Variants in PAICS observed in about 807,000 individuals in gnomAD.
PAICS encodes bifunctional phosphoribosylaminoimidazole carboxylase/phosphoribosylaminoimidazole succinocarboxamide synthetase.
Under a neutral mutation model 53.7 loss-of-function variants are expected in PAICS, and 33 were observed. That is an observed-to-expected ratio of 0.61 (90% CI 0.47 to 0.82). The LOEUF (loss-of-function observed/expected upper bound fraction) is 0.82, where lower values mean the gene tolerates loss of function less well. Among genes scored for constraint, PAICS ranks in the 40% least tolerant of loss-of-function variants. The pLI, the probability that PAICS is intolerant of heterozygous loss-of-function variation, is 0.00. For missense variants in PAICS, 394 were observed against 494.1 expected (o/e 0.80, Z 1.92); for synonymous variants, 141 against 167.2 (o/e 0.84, Z 1.21).
At chr4:56,442,148 A>C (rs766265053) in intron 2 of PAICS, 1 of 261,202 alleles carries the variant, frequency 3.8e-6, no homozygotes. Flanking sequence ...ACTTTAAGGA[A>C]TTTAACTATG....
At chr4:56,451,513 T>A (rs1381465044) in intron 6 of PAICS, among the ~76,000 whole-genome samples, 1 of 152,220 alleles carries the variant, frequency 6.6e-6, no homozygotes, top group African/African-American at 2.4e-5. Flanking sequence ...GAACATGACT[T>A]CTGATTTGGC....
At chr4:56,410,725 T>C in the PAICS span, 2 of 986,428 alleles carry the variant, frequency 2.0e-6, no homozygotes, top group Middle Eastern at 5.6e-4. Flanking sequence ...AATATGAATA[T>C]AGAACAGTTA....
upstream of PAICS, among the ~76,000 whole-genome samples, chr4:56,434,682 G>A (rs1454736473): frequency 6.6e-6 from 1 of 152,168 alleles, no homozygotes; most frequent in African/African-American, 2.4e-5. Flanking sequence ...TAGGCAAGAC[G>A]TCTACCAATG....
intron 1 of PAICS, among the ~76,000 whole-genome samples, chr4:56,439,289 T>C (rs1288968016): frequency 6.6e-6 from 1 of 152,108 alleles, no homozygotes; most frequent in Non-Finnish European, 1.5e-5. Context: ...CAGGCTGGAG[T>C]GCAGTGGCGC....
chr4:56,417,760 T>C, the PAICS span, among the ~76,000 whole-genome samples: 2 of 152,056 alleles, frequency 1.3e-5, no homozygotes, highest in Admixed American at 6.5e-5. Flanking sequence ...CACTCCAGCC[T>C]GTGCAACAGA....
chr4:56,445,337 C>T (rs978358587), intron 2 of PAICS, among the ~76,000 whole-genome samples: 1 of 152,094 alleles, frequency 6.6e-6, no homozygotes, highest in Non-Finnish European at 1.5e-5. Context: ...GTGGCTCACA[C>T]CTGTAATCCC....
chr4:56,425,372 G>C, the PAICS span: 1 of 735,154 alleles, frequency 1.4e-6, no homozygotes, highest in Non-Finnish European at 1.7e-6. Context: ...TAATCCAATA[G>C]TACATCCAGA....
the PAICS span, among the ~76,000 whole-genome samples, chr4:56,413,748 T>A: frequency 6.6e-6 from 1 of 151,818 alleles, no homozygotes; most frequent in African/African-American, 2.4e-5. Context: ...ATACAAAAAA[T>A]TTGCTGGGCT....
At chr4:56,445,149 C>G (rs563780174) in intron 2 of PAICS, among the ~76,000 whole-genome samples, 1 of 151,872 alleles carries the variant, frequency 6.6e-6, no homozygotes, top group African/African-American at 2.4e-5. Context: ...TTGAGTCTTA[C>G]GAGTCAGATT....
chr4:56,436,477 C>G, intron 1 of PAICS, 149 bp downstream of exon 1: 1 of 733,820 alleles, frequency 1.4e-6, no homozygotes, highest in Admixed American at 2.0e-5. Context: ...CCAGGCGCTC[C>G]CGGGCCTCCC....
At chr4:56,456,858 G>A (rs555227859) in intron 8 of PAICS, among the ~76,000 whole-genome samples, 4 of 152,136 alleles carry the variant, frequency 2.6e-5, no homozygotes, top group African/African-American at 9.6e-5. Flanking sequence ...GTTGCATATA[G>A]TTACTTTCTT....
At chr4:56,427,717 G>A in the PAICS span, among the ~76,000 whole-genome samples, 25 of 151,842 alleles carry the variant, frequency 1.6e-4, no homozygotes, top group East Asian at 4.2e-3. Context: ...AAGATGAGAG[G>A]AACTCACTGT....
intron 1 of PAICS, among the ~76,000 whole-genome samples, chr4:56,440,077 T>C (rs1339430860): frequency 6.6e-6 from 1 of 152,248 alleles, no homozygotes; most frequent in Non-Finnish European, 1.5e-5. Context: ...AAAAGCCTTA[T>C]AGCTCTTCTT....
chr4:56,412,486 G>A, the PAICS span, among the ~76,000 whole-genome samples: 1 of 151,770 alleles, frequency 6.6e-6, no homozygotes, highest in African/African-American at 2.4e-5. Context: ...ATTTTTTGTG[G>A]GATGGGTTTC....
intron 5 of PAICS, 92 bp from the exon 6 acceptor site, chr4:56,450,527 A>G: frequency 2.9e-6 from 2 of 689,886 alleles, no homozygotes; most frequent in Non-Finnish European, 5.2e-6. Flanking sequence ...TGCTATACAA[A>G]CTCTTCATAA....
intron 8 of PAICS, among the ~76,000 whole-genome samples, chr4:56,458,698 A>C (rs2110101455): frequency 6.6e-6 from 1 of 152,288 alleles, no homozygotes; most frequent in East Asian, 1.9e-4. Context: ...TATCGGGAAA[A>C]TCGAGCTTTT....
In PAICS at chr4:56,448,432, T is replaced by C. The variant is rs180705924; in HGVS notation, c.408T>C (p.Asn136=). 24 of 1,588,066 alleles carry C rather than the reference T, an allele frequency of 1.5e-5. No individual in the cohort carries two copies. The East Asian group carries it at 3.8e-4, about 25-fold the overall frequency. ...VELFFKDDAN[N]DPQWSEEQLI... is the part of the protein sequence containing the mutation. The stretch of plus-strand genomic sequence containing the variant: ...TTTATTCACAGGATGATGCCAATAA[T>C]GACCCACAGTGGTCTGAGGAACAGC... The change falls in exon 4 of 9, where the codon AAT becomes AAC. Residue 136 remains asparagine (N), a synonymous_variant. Coordinates refer to ENST00000512576, the MANE Select transcript of PAICS (RefSeq NM_001079524.2).
upstream of PAICS, chr4:56,435,586 T>A (rs1223623493): frequency 1.9e-6 from 3 of 1,568,780 alleles, no homozygotes; most frequent in African/African-American, 4.1e-5. Context: ...CGCGACAGGC[T>A]CTTCCTTCCC....
chr4:56,449,745 A>G (rs1718803239), intron 5 of PAICS, among the ~76,000 whole-genome samples: 1 of 151,252 alleles, frequency 6.6e-6, no homozygotes, highest in African/African-American at 2.4e-5. Flanking sequence ...TGGGAGGCCA[A>G]GGCAGGTGGA....
Sources: allele counts gnomAD v4.1 joint callset (sites outside exome capture counted in the v4.1 genomes callset), GRCh38; gene constraint gnomAD v4.1.1; transcripts MANE v1.5; gene names NCBI Gene and HGNC (gene_info 2026-07-23, HGNC 2026-07-21).